CSMD1: variants seen among roughly 807,000 people sequenced by gnomAD.
CSMD1 encodes CUB and sushi domain-containing protein 1.
CSMD1 carries 213 observed loss-of-function variants against 417.5 expected under a neutral mutation model. The observed-to-expected ratio is 0.51, with a 90% confidence interval of 0.46 to 0.57. The LOEUF is 0.57. Among genes scored for constraint, CSMD1 ranks in the 20% least tolerant of loss-of-function variants. The pLI, the probability that CSMD1 is intolerant of heterozygous loss-of-function variation, is 0.00. For missense variants in CSMD1, 6,923 were observed against 4,529.7 expected (o/e 1.53, Z -15.17); for synonymous variants, 2,862 against 1,736.8 (o/e 1.65, Z -16.11).
intron 3 of CSMD1, among the ~76,000 whole-genome samples, chr8:4,166,317 T>G (rs1797453362): frequency 6.6e-6 from 1 of 152,206 alleles, no homozygotes; most frequent in Non-Finnish European, 1.5e-5. Context: ...ATCTTTTTTG[T>G]AACAGGTCTA....
intron 8 of CSMD1, among the ~76,000 whole-genome samples, chr8:3,599,384 C>A (rs2117070106): frequency 6.6e-6 from 1 of 152,160 alleles, no homozygotes; most frequent in Admixed American, 6.5e-5. Context: ...CATCATTAAC[C>A]CCAACGCAGC....
chr8:4,776,640 G>C (rs916198715), intron 1 of CSMD1, among the ~76,000 whole-genome samples: 1 of 152,138 alleles, frequency 6.6e-6, no homozygotes, highest in Non-Finnish European at 1.5e-5. Context: ...TATTTAAATA[G>C]GGGGGTTGTG....
intron 3 of CSMD1, among the ~76,000 whole-genome samples, chr8:4,354,000 G>A (rs571170326): frequency 3.9e-5 from 6 of 152,126 alleles, no homozygotes; most frequent in Non-Finnish European, 8.8e-5. Flanking sequence ...CACCTGCGTG[G>A]TTGTTCAGCA....
At chr8:4,723,806 A>C (rs1014317268) in intron 1 of CSMD1, among the ~76,000 whole-genome samples, 8 of 151,374 alleles carry the variant, frequency 5.3e-5, no homozygotes, top group Admixed American at 6.6e-5. Flanking sequence ...AAAAACAAAA[A>C]AAAAACAAAA....
intron 3 of CSMD1, among the ~76,000 whole-genome samples, chr8:4,343,202 G>C (rs1204276296): frequency 1.3e-5 from 2 of 152,066 alleles, no homozygotes; most frequent in African/African-American, 4.8e-5. Context: ...CTTTGTTAGA[G>C]CATAAAAAGC....
Position 3,566,494 on chromosome 8 carries a change from G to A in CSMD1, c.1344+8451C>T, listed in dbSNP as rs570423438. ...CTCCACCAGCCCCTCCTGGTGTGCT[G>A]TCAGTGTGCTCAGCCCCGGTACACC... On this transcript the variant is annotated intron_variant, in intron 10 of 69. Coordinates refer to ENST00000635120, the MANE Select transcript of CSMD1 (RefSeq NM_033225.6). Among the ~76,000 whole-genome samples the A allele has an allele frequency of 5.3e-5, 8 of 152,028 alleles. No homozygotes were observed. The East Asian group carries it at 7.8e-4, about 15-fold the overall frequency.
intron 5 of CSMD1, among the ~76,000 whole-genome samples, chr8:3,846,758 C>G (rs991027331): frequency 2.6e-5 from 4 of 152,122 alleles, no homozygotes; most frequent in Non-Finnish European, 5.9e-5. Flanking sequence ...ACTGCAACCT[C>G]TGCCTCTCTG....
rs140855363 is a variant in CSMD1 at position 3,152,998 on chromosome 8, A to T, written c.5915-1485T>A. On this transcript the variant is annotated intron_variant, in intron 39 of 69. Coordinates refer to ENST00000635120, the MANE Select transcript of CSMD1 (RefSeq NM_033225.6). ...ACTCCACCTGGAATAGGAGCTGGAT[A>T]AAACAAGGCTGAAACGTACTGGGCT... is the stretch of plus-strand genomic sequence containing the variant. Among the ~76,000 whole-genome samples the T allele has an allele frequency of 8.2e-4, 125 of 152,364 alleles. 1 individual carries two copies. The highest frequency in any genetic ancestry group is 2.9e-3 in the African/African-American group (119 of 41,594).
At chr8:4,547,368 C>T (rs1477523079) in intron 2 of CSMD1, among the ~76,000 whole-genome samples, 2 of 152,186 alleles carry the variant, frequency 1.3e-5, no homozygotes. Flanking sequence ...AAACACGTAT[C>T]TGAAAATATT....
intron 1 of CSMD1, among the ~76,000 whole-genome samples, chr8:4,674,457 C>T (rs780709958): frequency 4.7e-4 from 71 of 152,026 alleles, no homozygotes; most frequent in Non-Finnish European, 7.2e-4. Context: ...AAACACCTGG[C>T]AGAGGAGGCT....
intron 3 of CSMD1, among the ~76,000 whole-genome samples, chr8:4,194,073 ACAATTT>A (rs1228541479): frequency 9.9e-5 from 15 of 152,170 alleles, no homozygotes; most frequent in Non-Finnish European, 1.8e-4. Flanking sequence ...AAATATATTA[ACAATTT>A]CAATCTACTG....
At chr8:4,451,698 T>C (rs1799155218) in intron 2 of CSMD1, among the ~76,000 whole-genome samples, 1 of 152,064 alleles carries the variant, frequency 6.6e-6, no homozygotes, top group Non-Finnish European at 1.5e-5. Context: ...TATCAGTTCT[T>C]CCAGGCAAAG....
intron 7 of CSMD1, among the ~76,000 whole-genome samples, chr8:3,650,377 C>A (rs1286661124): frequency 6.6e-6 from 1 of 152,062 alleles, no homozygotes; most frequent in Non-Finnish European, 1.5e-5. Flanking sequence ...TGTTACCATG[C>A]TTTAATTAGG....
chr8:4,952,944 C>T (rs575304402), intron 1 of CSMD1, among the ~76,000 whole-genome samples: 1 of 152,202 alleles, frequency 6.6e-6, no homozygotes, highest in African/African-American at 2.4e-5. Context: ...CAAGACATGG[C>T]AGTAATTGAT....
intron 23 of CSMD1, among the ~76,000 whole-genome samples, chr8:3,329,346 C>T (rs1196797082): frequency 2.6e-5 from 4 of 151,906 alleles, no homozygotes; most frequent in Non-Finnish European, 5.9e-5. Context: ...CCATTTGCAG[C>T]GTGACAGAGC....
intron 5 of CSMD1, among the ~76,000 whole-genome samples, chr8:3,845,532 G>T (rs941450671): frequency 6.6e-5 from 10 of 152,146 alleles, no homozygotes; most frequent in African/African-American, 2.4e-4. Context: ...GAGCTTGCAG[G>T]ACCAGAAGTT....
chr8:4,938,368 C>T (rs1203788938), intron 1 of CSMD1, among the ~76,000 whole-genome samples: 1 of 152,200 alleles, frequency 6.6e-6, no homozygotes, highest in Non-Finnish European at 1.5e-5. Context: ...CTTCCCAATA[C>T]AGCTGTCCTA....
intron 5 of CSMD1, among the ~76,000 whole-genome samples, chr8:3,900,326 A>G (rs1259550824): frequency 6.6e-6 from 1 of 151,576 alleles, no homozygotes; most frequent in Non-Finnish European, 1.5e-5. Context: ...CAGCTGGATG[A>G]CACTACAGCT....
Position 3,451,023 on chromosome 8 carries a change from G to A in CSMD1, c.1561+17689C>T, listed in dbSNP as rs1479291117. 2.6e-5 allele frequency among the ~76,000 whole-genome samples: 4 copies of A among 152,192 alleles called. No individual in the cohort carries two copies. The East Asian group carries it at 7.7e-4, about 29-fold the overall frequency. ...ACTGCCATTCTAACTGGTGTGAGAT[G>A]GTGTCTCATTGTGGTTTTGATTTGC... On this transcript the variant is annotated intron_variant, in intron 12 of 69. Transcript: ENST00000635120.
Sources: gnomAD v4.1 joint callset for allele counts (sites outside exome capture counted in the v4.1 genomes callset) on GRCh38, gnomAD v4.1.1 for gene constraint, MANE v1.5 for transcripts, NCBI Gene and HGNC (gene_info 2026-07-23, HGNC 2026-07-21) for gene names.